The following SH3RF2 variants were observed in gnomAD, a reference collection of about 807,000 sequenced individuals.
SH3RF2 encodes the protein E3 ubiquitin-protein ligase SH3RF2.
A neutral mutation model predicts 59.0 loss-of-function variants in SH3RF2; 43 were observed. That is an observed-to-expected ratio of 0.73 (90% CI 0.57 to 0.94). The LOEUF is 0.94. Among genes scored for constraint, SH3RF2 ranks in the 40% least tolerant of loss-of-function variants. The pLI, the probability that SH3RF2 is intolerant of heterozygous loss-of-function variation, is 0.00. For missense variants in SH3RF2, 930 were observed against 940.1 expected, an observed-to-expected ratio of 0.99 and a Z score of 0.14; for synonymous variants, 391 against 391.5, an observed-to-expected ratio of 1.00 and a Z score of 0.01.
At chr5:145,972,796 C>T (rs1759139468) in intron 2 of SH3RF2, among the ~76,000 whole-genome samples, 1 of 152,050 alleles carries the variant, frequency 6.6e-6, no homozygotes, top group Non-Finnish European at 1.5e-5. Flanking sequence ...GGTAAAAGGA[C>T]CTTGAGGGTA....
At chr5:145,953,885 G>T (rs1036014772) in intron 2 of SH3RF2, among the ~76,000 whole-genome samples, 1 of 152,120 alleles carries the variant, frequency 6.6e-6, no homozygotes, top group Non-Finnish European at 1.5e-5. Flanking sequence ...CAAAAGACAC[G>T]ATCTCATTCT....
intron 2 of SH3RF2, chr5:145,997,711 C>T (rs1402958148): frequency 2.6e-6 from 4 of 1,568,352 alleles, no homozygotes; most frequent in Non-Finnish European, 3.5e-6. Context: ...AAGGTATATG[C>T]TACAAGCCAG....
intron 9 of SH3RF2, among the ~76,000 whole-genome samples, chr5:146,075,027 T>C (rs1337363943): frequency 1.3e-5 from 2 of 152,250 alleles, no homozygotes; most frequent in Non-Finnish European, 2.9e-5. Flanking sequence ...ATTATCTTTG[T>C]TACTATCCAT....
chr5:146,048,960 C>A, intron 6 of SH3RF2, 115 bp from the exon 7 acceptor site: 1 of 1,279,320 alleles, frequency 7.8e-7, no homozygotes, highest in Non-Finnish European at 1.1e-6. Flanking sequence ...CCCGCTCGAC[C>A]AAGAAGGTTC....
At chr5:146,026,547 T>C (rs889191003) in intron 5 of SH3RF2, among the ~76,000 whole-genome samples, 10 of 152,192 alleles carry the variant, frequency 6.6e-5, no homozygotes, top group Non-Finnish European at 1.0e-4. Context: ...TAATGAATCA[T>C]GGTTATTGTT....
chr5:145,955,058 G>A (rs564098060), intron 2 of SH3RF2, among the ~76,000 whole-genome samples: 26 of 152,252 alleles, frequency 1.7e-4, no homozygotes, highest in Admixed American at 8.5e-4. Flanking sequence ...CTCCCACTAG[G>A]TCCCACCTCC....
At chr5:146,033,470 T>C (rs1337919490) in intron 5 of SH3RF2, among the ~76,000 whole-genome samples, 1,845 of 74,844 alleles carry the variant, frequency 0.025, 80 homozygotes, top group Non-Finnish European at 0.052. Context: ...TTTTTTTTTT[T>C]TTTTTTTTTT....
chr5:146,022,310 C>T (rs1006139685), intron 5 of SH3RF2, among the ~76,000 whole-genome samples: 3 of 152,094 alleles, frequency 2.0e-5, no homozygotes, highest in Non-Finnish European at 1.5e-5. Flanking sequence ...CAGGTTCAAG[C>T]GATTCTCCTG....
intron 4 of SH3RF2, among the ~76,000 whole-genome samples, chr5:146,009,332 G>T (rs1430047150): frequency 1.3e-5 from 2 of 152,050 alleles, no homozygotes; most frequent in Admixed American, 1.3e-4. Flanking sequence ...TCTGGCCCCT[G>T]CCTGTCTCTG....
chr5:146,038,177 T>G (rs888007776), intron 5 of SH3RF2, among the ~76,000 whole-genome samples: 3 of 152,174 alleles, frequency 2.0e-5, no homozygotes, highest in Non-Finnish European at 4.4e-5. Context: ...AAAAAGAAAC[T>G]TACTTAATGT....
intron 5 of SH3RF2, among the ~76,000 whole-genome samples, chr5:146,015,450 T>TCACA (rs372366663): frequency 1.3e-5 from 2 of 151,188 alleles, no homozygotes; most frequent in Non-Finnish European, 3.0e-5. Flanking sequence ...AAGTTCTCCT[T>TCACA]CACACACACA....
At chr5:146,045,626 AG>A (rs1172176567) in intron 5 of SH3RF2, among the ~76,000 whole-genome samples, 1 of 152,230 alleles carries the variant, frequency 6.6e-6, no homozygotes, top group African/African-American at 2.4e-5. Flanking sequence ...AATGTTTTCA[AG>A]GTTCATCCAT....
chr5:146,081,617 C>A (rs576769541), exon 10 of SH3RF2: 1 of 152,292 alleles, frequency 6.6e-6, no homozygotes, highest in South Asian at 2.1e-4. Context: ...CATGAAACAC[C>A]ATCTGCTCTT....
At chr5:145,983,856 A>G (rs1759601005) in intron 2 of SH3RF2, among the ~76,000 whole-genome samples, 1 of 152,192 alleles carries the variant, frequency 6.6e-6, no homozygotes, top group Non-Finnish European at 1.5e-5. Flanking sequence ...AGCTCAAGGC[A>G]TGTTTTAAAT....
chr5:146,020,543 C>G (rs1761279847), intron 5 of SH3RF2, among the ~76,000 whole-genome samples: 1 of 152,154 alleles, frequency 6.6e-6, no homozygotes, highest in Admixed American at 6.5e-5. Context: ...AAGCTCTTGC[C>G]ACTGCTCCTC....
At chr5:145,961,383 T>C (rs929457208) in intron 2 of SH3RF2, among the ~76,000 whole-genome samples, 3 of 152,176 alleles carry the variant, frequency 2.0e-5, no homozygotes, top group African/African-American at 7.2e-5. Flanking sequence ...CCACTGTTTC[T>C]TTCTGTCCTG....
At chr5:145,965,635 T>C (rs1327520101) in intron 2 of SH3RF2, among the ~76,000 whole-genome samples, 1 of 152,186 alleles carries the variant, frequency 6.6e-6, no homozygotes, top group Non-Finnish European at 1.5e-5. Flanking sequence ...GTAATTGGTG[T>C]TTACACTCAC....
intron 5 of SH3RF2, among the ~76,000 whole-genome samples, chr5:146,020,831 T>A (rs949611168): frequency 2.6e-5 from 4 of 152,164 alleles, no homozygotes; most frequent in Non-Finnish European, 4.4e-5. Context: ...TAAGTCAGTG[T>A]AAGGAATGTA....
chr5:146,033,611 C>T (rs1274458195), intron 5 of SH3RF2, among the ~76,000 whole-genome samples: 2 of 151,718 alleles, frequency 1.3e-5, no homozygotes, highest in Admixed American at 1.3e-4. Flanking sequence ...GCTGGGATTA[C>T]AGGCACGCAC....
Sources: gnomAD v4.1 joint callset for allele counts (sites outside exome capture counted in the v4.1 genomes callset) on GRCh38, gnomAD v4.1.1 for gene constraint, MANE v1.5 for transcripts, NCBI Gene and HGNC (gene_info 2026-07-23, HGNC 2026-07-21) for gene names.